KIF1A: variants seen among roughly 807,000 people sequenced by gnomAD.
The protein encoded by KIF1A is kinesin family member 1A.
In KIF1A, 46 loss-of-function variants were observed where a neutral mutation model predicts 227.3. The ratio of observed to expected loss-of-function variants is 0.20; its 90% CI spans 0.16 to 0.26. The LOEUF is 0.26. KIF1A is among the 10% of genes least tolerant of loss of function. KIF1A has a pLI of 1.00. For missense variants in KIF1A, 1,683 were observed against 2,485.9 expected (o/e 0.68, Z 6.87); for synonymous variants, 1,022 against 1,012.8 (o/e 1.01, Z -0.17).
intron 17 of KIF1A, among the ~76,000 whole-genome samples, chr2:240,768,528 G>A (rs1479424262): frequency 6.6e-6 from 1 of 152,174 alleles, no homozygotes; most frequent in African/African-American, 2.4e-5. Flanking sequence ...AGAACCACAA[G>A]AAAGACTTTT....
At chr2:240,731,042 G>A (rs2046541185) in intron 38 of KIF1A, among the ~76,000 whole-genome samples, 1 of 152,220 alleles carries the variant, frequency 6.6e-6, no homozygotes, top group African/African-American at 2.4e-5. Flanking sequence ...GTGGGGAAAT[G>A]TACAGCTGGG....
At position 240,745,008 on chromosome 2, in the gene KIF1A, T is replaced by A. The variant is rs1157710460; in HGVS notation, c.3465+419A>T. On this transcript the variant is annotated intron_variant, in intron 32 of 48. Transcript: ENST00000498729. ...ATCCTAGCAGCCCAGCTGCCATCACTCTCCTGCCTGGAGTTTTCCAGACCT... is the reference window on the plus strand; with the variant it reads ...ATCCTAGCAGCCCAGCTGCCATCACACTCCTGCCTGGAGTTTTCCAGACCT... Among the ~76,000 whole-genome samples, 10 of 151,836 alleles carry A rather than the reference T, an allele frequency of 6.6e-5. 1 individual carries two copies. The East Asian group carries it at 1.4e-3, about 21-fold the overall frequency.
chr2:240,815,798 G>T (rs2058272764), intron 1 of KIF1A, among the ~76,000 whole-genome samples: 1 of 152,174 alleles, frequency 6.6e-6, no homozygotes. Context: ...CAAGCCACAT[G>T]GGCTTCTCAG....
At chr2:240,770,215 C>T (rs961045668) in intron 15 of KIF1A, among the ~76,000 whole-genome samples, 4 of 152,242 alleles carry the variant, frequency 2.6e-5, no homozygotes, top group Admixed American at 6.5e-5. Context: ...GCCCCTCAGT[C>T]TCCAGGCGTG....
chr2:240,762,981 T>TG (rs2050715994), intron 22 of KIF1A, 38 bp downstream of exon 22: 4 of 657,120 alleles, frequency 6.1e-6, no homozygotes, highest in Non-Finnish European at 7.9e-6. Context: ...CTGGTGTGGG[T>TG]GGGGGCTGGG....
At chr2:240,762,990 G>T in intron 22 of KIF1A, 29 bp downstream of exon 22, 5 of 1,456,772 alleles carry the variant, frequency 3.4e-6, no homozygotes, top group Non-Finnish European at 4.5e-6. Flanking sequence ...GTGGGGGCTG[G>T]GCAGGGAGGG....
At position 240,743,755 on chromosome 2, in the gene KIF1A, G is replaced by A. The variant is rs546510122; in HGVS notation, c.3584+187C>T. Among the ~76,000 whole-genome samples, 8 of 152,344 alleles carry A rather than the reference G, an allele frequency of 5.3e-5. No homozygotes were observed. In the South Asian group the frequency reaches 6.2e-4, roughly 12 times the overall value. The stretch of plus-strand genomic sequence containing the variant: ...GCAGTCCCGAAGGAGAGAAGCTGCA[G>A]GCAGGCCCAGAGCTCTTAATTGCTC... On this transcript the variant is annotated intron_variant, in intron 33 of 48. Transcript: ENST00000498729.
chr2:240,774,056 G>A (rs2052395903), intron 12 of KIF1A, 127 bp downstream of exon 12: 1 of 523,316 alleles, frequency 1.9e-6, no homozygotes, highest in South Asian at 3.6e-5. Context: ...CAGCCTCACA[G>A]AGTCCAGGGT....
chr2:240,773,490 T>G (rs1048865633), intron 12 of KIF1A, among the ~76,000 whole-genome samples: 1 of 152,136 alleles, frequency 6.6e-6, no homozygotes, highest in South Asian at 2.1e-4. Flanking sequence ...GGTCACCCAG[T>G]TCCCGCTCGC....
chr2:240,782,497 GCCCGC>G, intron 10 of KIF1A, 88 bp downstream of exon 10: 1 of 1,360,836 alleles, frequency 7.3e-7, no homozygotes, highest in Non-Finnish European at 1.0e-6. Flanking sequence ...CGCACTCACT[GCCCGC>G]CCCGCCCCTC....
intron 20 of KIF1A, among the ~76,000 whole-genome samples, chr2:240,764,104 C>T (rs2050854883): frequency 6.6e-6 from 1 of 152,224 alleles, no homozygotes; most frequent in South Asian, 2.1e-4. Context: ...CTAGTAGCTG[C>T]AGCTCTGTCT....
chr2:240,746,397 C>G (rs1345363400), intron 29 of KIF1A, among the ~76,000 whole-genome samples: 1 of 152,220 alleles, frequency 6.6e-6, no homozygotes, highest in African/African-American at 2.4e-5. Context: ...GATTCTACAG[C>G]CTATGGCCAT....
At position 240,718,652 on chromosome 2, in the gene KIF1A, A is replaced by T. The variant is rs189754177; in HGVS notation, c.5214+354T>A. 2.6e-5 allele frequency among the ~76,000 whole-genome samples: 4 copies of T among 152,324 alleles called. No homozygotes were observed. The East Asian group carries it at 7.7e-4, about 29-fold the overall frequency. On this transcript the variant is annotated intron_variant, in intron 47 of 48. Coordinates refer to ENST00000498729, the MANE Select transcript of KIF1A (RefSeq NM_001244008.2). ...GAGTGGGGGCAGGAGGGCTCCTCTG[A>T]GCCCTGTGGCTCGCCCATTCCTGCA...
At chr2:240,779,832 C>T (rs1330766692) in intron 10 of KIF1A, among the ~76,000 whole-genome samples, 4 of 152,188 alleles carry the variant, frequency 2.6e-5, no homozygotes, top group Non-Finnish European at 4.4e-5. Flanking sequence ...CTCACGCAGC[C>T]GCATGCACTG....
intron 25 of KIF1A, among the ~76,000 whole-genome samples, chr2:240,759,585 G>GCCTCCTGATGGGC (rs58650809): frequency 0.59 from 89,386 of 151,672 alleles, 27,282 homozygotes; most frequent in African/African-American, 0.75. Flanking sequence ...ACTCCTCTCT[G>GCCTCCTGATGGGC]CCTGGTGCCT....
chr2:240,722,420 G>A lies in KIF1A; in HGVS notation c.4665+36C>T, dbSNP rs975314353. On this transcript the variant is annotated intron_variant, in intron 43 of 48. Coordinates refer to ENST00000498729, the MANE Select transcript of KIF1A (RefSeq NM_001244008.2). ...AATGACTCAGGGCCCTTGAGGGCCT[G>A]GGGCTACGGCTGTACTGCCCACCAG... 101 of 1,536,710 alleles carry A rather than the reference G, an allele frequency of 6.6e-5. 1 individual carries two copies. In the Admixed American group the frequency reaches 1.4e-3, roughly 21 times the overall value.
rs952804990 is a variant in KIF1A, at chr2:240,722,472, C to T, written c.4649G>A (p.Arg1550Gln). The T allele has an allele frequency of 3.6e-5, 55 of 1,546,788 alleles. No individual in the cohort carries two copies. Among genetic ancestry groups the T allele is most frequent in the Non-Finnish European group, 4.4e-5 (51 of 1,146,762 alleles). Residue 1550 changes from arginine (R) to glutamine (Q), a missense_variant, in exon 43 of 49, where the codon CGG becomes CAG. Physicochemically the swap from Arg to Gln is conservative, Grantham distance 43. Transcript: ENST00000498729. ...TGGACCCACCTTGACGGCCAGCTCC[C>T]GCTGCCTCTCGTTGGGAGCCTCCAG... ...SPLEAPNERQ[R>Q]ELAVKCLRLL...
chr2:240,800,551 T>G (rs1670047077), intron 1 of KIF1A, among the ~76,000 whole-genome samples: 1 of 152,142 alleles, frequency 6.6e-6, no homozygotes, highest in African/African-American at 2.4e-5. Flanking sequence ...TCTGGAGTCT[T>G]CCCAGACAGA....
At chr2:240,728,952 G>C (rs572986102) in intron 38 of KIF1A, among the ~76,000 whole-genome samples, 1 of 152,300 alleles carries the variant, frequency 6.6e-6, no homozygotes, top group African/African-American at 2.4e-5. Context: ...TAATACTAGA[G>C]CACGATGAGA....
Sources: allele counts gnomAD v4.1 joint callset (sites outside exome capture counted in the v4.1 genomes callset), GRCh38; gene constraint gnomAD v4.1.1; transcripts MANE v1.5; gene names NCBI Gene and HGNC (gene_info 2026-07-23, HGNC 2026-07-21).